HYOU1: variants seen among roughly 807,000 people sequenced by gnomAD.
HYOU1 encodes hypoxia up-regulated 1, also known as hypoxia up-regulated protein 1.
In HYOU1, 40 loss-of-function variants were observed where a neutral mutation model predicts 120.5. That is an observed-to-expected ratio of 0.33 (90% CI 0.26 to 0.43). The LOEUF (loss-of-function observed/expected upper bound fraction) is 0.43, where lower values mean the gene tolerates loss of function less well. HYOU1 is among the 20% of genes least tolerant of loss of function. The pLI is 1.00. For synonymous variants in HYOU1, 501 were observed against 479.4 expected (o/e 1.05, Z -0.59); for missense variants, 1,085 against 1,278.3 (o/e 0.85, Z 2.31).
chr11:119,048,930 C>A lies in HYOU1; in HGVS notation c.1993-44G>T. 6.2e-7 allele frequency: 1 copy of A among 1,607,664 alleles called. No homozygotes were observed. The highest frequency in any genetic ancestry group is 8.5e-7 in the Non-Finnish European group (1 of 1,177,140). The stretch of plus-strand genomic sequence containing the variant: ...GGGTGTCAGGAAAAGCCTCTGCCCT[C>A]CTACATTCTCCACAAGGCCAGAAAC... On this transcript the variant is annotated intron_variant, in intron 17 of 25. Coordinates refer to ENST00000617285, the MANE Select transcript of HYOU1 (RefSeq NM_006389.5). This position sits in a 1 kb window ranked among gnomAD's most constrained non-coding sequence, Gnocchi z 4.7.
intron 22 of HYOU1, chr11:119,047,445 C>G (rs2133556730): frequency 2.6e-6 from 1 of 380,808 alleles, no homozygotes; most frequent in Non-Finnish European, 4.9e-6. Flanking sequence ...TCAGTTTCAC[C>G]TAGCCAAACC....
chr11:119,051,678 G>A lies in HYOU1; in HGVS notation c.1339-53C>T. 6.2e-7 allele frequency: 1 copy of A among 1,605,616 alleles called. No individual in the cohort carries two copies. The highest frequency in any genetic ancestry group is 8.5e-7 in the Non-Finnish European group (1 of 1,173,698). On this transcript the variant is annotated intron_variant, in intron 12 of 25. Transcript: ENST00000617285. The surrounding 1 kb of genome is among the most constrained non-coding windows in gnomAD (Gnocchi z 4.2). ...TGTTGCACACTAGAGAACCCGAGTA[G>A]GTTCTGGGGTAAGGATGGGGGTGGG...
chr11:119,049,889 C>T, intron 14 of HYOU1, 52 bp from the exon 15 acceptor site: 1 of 1,530,304 alleles, frequency 6.5e-7, no homozygotes, highest in South Asian at 1.1e-5. Flanking sequence ...ACCTTTTCTC[C>T]ACAAACATCT....
chr11:119,047,026 G>A, intron 22 of HYOU1: 4 of 567,010 alleles, frequency 7.1e-6, no homozygotes, highest in South Asian at 7.0e-5. Flanking sequence ...TACTACTCTG[G>A]AGTGACTACA....
At chr11:119,056,627 G>A (rs80093855) in intron 1 of HYOU1, among the ~76,000 whole-genome samples, 2 of 152,252 alleles carry the variant, frequency 1.3e-5, no homozygotes, top group African/African-American at 4.8e-5. Context: ...AATGACGTTG[G>A]GGGTAGCTAG....
At chr11:119,054,073 G>A in intron 8 of HYOU1, 48 bp downstream of exon 8, 1 of 1,202,620 alleles carries the variant, frequency 8.3e-7, no homozygotes, top group South Asian at 1.2e-5. Context: ...AGAAACCCCT[G>A]ACTTGAGGGT....
Position 119,048,424 on chromosome 11 carries a change from A to C in HYOU1, c.2253+52T>G. The C allele has an allele frequency of 6.2e-7, 1 of 1,612,312 alleles. No homozygotes were observed. Among genetic ancestry groups the C allele is most frequent in the Non-Finnish European group, 8.5e-7 (1 of 1,179,674 alleles). The stretch of plus-strand genomic sequence containing the variant: ...ACCCACAAGCCCAGAGGCAAGGCCC[A>C]CAGAGCCAGGTGTAAGCCCAGTGGG... On this transcript the variant is annotated intron_variant, in intron 19 of 25. Transcript: ENST00000617285. The surrounding 1 kb of genome is among the most constrained non-coding windows in gnomAD (Gnocchi z 4.7).
chr11:119,054,795 T>C (rs1944654724), intron 6 of HYOU1, 120 bp from the exon 7 acceptor site: 2 of 1,152,126 alleles, frequency 1.7e-6, no homozygotes, highest in Admixed American at 4.5e-5. Flanking sequence ...TCCTGTGCAC[T>C]GTAGGATGTT....
chr11:119,056,501 G>A, intron 1 of HYOU1: 3 of 412,202 alleles, frequency 7.3e-6, no homozygotes, highest in South Asian at 3.7e-5. Context: ...TGTGCCTGTT[G>A]TCAGACACCT....
intron 24 of HYOU1, 124 bp from the exon 25 acceptor site, chr11:119,045,955 C>T: frequency 1.1e-6 from 1 of 925,702 alleles, no homozygotes; most frequent in East Asian, 2.5e-5. Context: ...CACATTTGGT[C>T]TCTTTGCCTA....
Position 119,056,837 on chromosome 11 carries a change from C to T in HYOU1, c.-8+183G>A, listed in dbSNP as rs531441593. 8.4e-5 allele frequency: 15 copies of T among 178,440 alleles called. No individual in the cohort carries two copies. The South Asian group carries it at 1.8e-3, about 21-fold the overall frequency. 11.1% of individuals were successfully genotyped at this position (178,440 alleles called of 1,614,324 possible). On this transcript the variant is annotated intron_variant, in intron 1 of 25. Transcript: ENST00000617285. The stretch of plus-strand genomic sequence containing the variant: ...AGGCGGCGGCTCCCACTCCCGGAAA[C>T]GGATCCCGGCCCGCCCCAGCAAGTG...
At chr11:119,054,810 A>T (rs2133608180) in intron 6 of HYOU1, 135 bp from the exon 7 acceptor site, 48 of 1,102,800 alleles carry the variant, frequency 4.4e-5, no homozygotes, top group Non-Finnish European at 1.7e-5. Context: ...GATGTTGAGC[A>T]GCATCCCCGG....
Position 119,051,712 on chromosome 11 carries a change from G to C in HYOU1, c.1339-87C>G. 1.3e-6 allele frequency: 2 copies of C among 1,593,904 alleles called. No homozygotes were observed. The highest frequency in any genetic ancestry group is 1.7e-6 in the Non-Finnish European group (2 of 1,164,746). On this transcript the variant is annotated intron_variant, in intron 12 of 25. Transcript: ENST00000617285. This position sits in a 1 kb window ranked among gnomAD's most constrained non-coding sequence, Gnocchi z 4.2. Reference sequence around the variant, plus strand: ...GTAAGGATGGGGGTGGGATGGGGGAGACCTCTTAGCAGAAAGACAAAGGGA... The same window carrying C: ...GTAAGGATGGGGGTGGGATGGGGGACACCTCTTAGCAGAAAGACAAAGGGA...
chr11:119,049,053 T>G lies in HYOU1; in HGVS notation c.1957A>C (p.Thr653Pro). Residue 653 changes from threonine (T) to proline (P), a missense_variant, in exon 17 of 26, where the codon ACA becomes CCA. Physicochemically the swap from Thr to Pro is conservative, Grantham distance 38. Coordinates refer to ENST00000617285, the MANE Select transcript of HYOU1 (RefSeq NM_006389.5). ...GACTTGTCCCCATTTTCTTTTTCTG[T>G]GGCCTTTTCTCCCTCAGGGGTTGCA... ...GDATPEGEKA[T>P]EKENGDKSEA... 1.2e-6 allele frequency: 2 copies of G among 1,614,178 alleles called. No individual in the cohort carries two copies. Among genetic ancestry groups the G allele is most frequent in the Non-Finnish European group, 1.7e-6 (2 of 1,180,016 alleles).
Position 119,055,227 on chromosome 11 carries a change from G to C in HYOU1, c.377C>G (p.Thr126Ser). The C allele has an allele frequency of 1.2e-6, 2 of 1,614,204 alleles. No individual in the cohort carries two copies. Among genetic ancestry groups the C allele is most frequent in the Non-Finnish European group, 1.7e-6 (2 of 1,180,040 alleles). The change falls in exon 5 of 26, where the codon ACT (threonine) becomes AGT (serine). Residue 126 changes from threonine to serine, a missense_variant. Thr to Ser is a moderately conservative substitution (Grantham distance 58). Around this residue, in one of 4 missense-constraint regions of HYOU1, gnomAD observed 515 missense variants for 677.8 expected, o/e 0.76. Coordinates refer to ENST00000617285, the MANE Select transcript of HYOU1 (RefSeq NM_006389.5). The surrounding 1 kb of genome is among the most constrained non-coding windows in gnomAD (Gnocchi z 4.0). The part of the protein sequence containing the change: ...YQARFPEHEL[T>S]FDPQRQTVHF... Reference sequence around the variant, plus strand: ...CACAGTCTGCCTCTGTGGGTCGAAAGTCAGCTCGTGCTCCGGGAAGCGGGC... The same window carrying C: ...CACAGTCTGCCTCTGTGGGTCGAAACTCAGCTCGTGCTCCGGGAAGCGGGC...
Position 119,055,615 on chromosome 11 carries a change from A to G in HYOU1, c.186-44T>C. Reference sequence around the variant, plus strand: ...GGGCCCAGGTGCCTGCAGCAGAAGGACTCAGAAGCCTCGACACTCACACAC... The same window carrying G: ...GGGCCCAGGTGCCTGCAGCAGAAGGGCTCAGAAGCCTCGACACTCACACAC... On this transcript the variant is annotated intron_variant, in intron 3 of 25. Transcript: ENST00000617285. The surrounding 1 kb of genome is among the most constrained non-coding windows in gnomAD (Gnocchi z 4.0). 1 of 1,569,264 alleles carries G rather than the reference A, an allele frequency of 6.4e-7. No homozygotes were observed. The highest frequency in any genetic ancestry group is 8.8e-7 in the Non-Finnish European group (1 of 1,139,234).
chr11:119,045,794 T>C lies in HYOU1; in HGVS notation c.2925A>G (p.Gly975=). 1.2e-6 allele frequency: 2 copies of C among 1,612,200 alleles called. No individual in the cohort carries two copies. The highest frequency in any genetic ancestry group is 1.7e-6 in the Non-Finnish European group (2 of 1,179,568). ...EPGDTEPLEL[G]GPGAEPEQKE... is the part of the protein sequence containing the mutation. Reference sequence around the variant, plus strand: ...CTCCATCCTCACCTGCTCCAGGACCTCCTAACTCCAAAGGCTCAGTGTCTC... The same window carrying C: ...CTCCATCCTCACCTGCTCCAGGACCCCCTAACTCCAAAGGCTCAGTGTCTC... Residue 975 remains glycine, a synonymous_variant, in exon 25 of 26, where the codon GGA becomes GGG. Coordinates refer to ENST00000617285, the MANE Select transcript of HYOU1 (RefSeq NM_006389.5).
chr11:119,049,469 G>A, intron 16 of HYOU1, 87 bp downstream of exon 16: 1 of 1,555,942 alleles, frequency 6.4e-7, no homozygotes, highest in Non-Finnish European at 8.9e-7. Flanking sequence ...AGGGGCAGGG[G>A]TGGCCTACCC....
Position 119,052,331 on chromosome 11 carries a change from A to G in HYOU1, c.1086T>C (p.Pro362=), listed in dbSNP as rs2133592043. 1 of 1,614,174 alleles carries G rather than the reference A, an allele frequency of 6.2e-7. No homozygotes were observed. The highest frequency in any genetic ancestry group is 8.5e-7 in the Non-Finnish European group (1 of 1,180,018). The change falls in exon 10 of 26, where the codon CCT becomes CCC. Residue 362 remains proline (P), a synonymous_variant. Transcript: ENST00000617285. The surrounding 1 kb of genome is among the most constrained non-coding windows in gnomAD (Gnocchi z 5.0). ...CADLFERVPG[P]VQQALQSAEM... is the part of the protein sequence containing the mutation. ...CGGCACTCTGGAGGGCCTGCTGTAC[A>G]GGCCCAGGCACCCGCTCAAACAAGT... is the stretch of plus-strand genomic sequence containing the variant.
Sources: allele counts gnomAD v4.1 joint callset (sites outside exome capture counted in the v4.1 genomes callset), GRCh38; gene constraint gnomAD v4.1.1; regional missense constraint gnomAD v4.1.1; non-coding constraint Gnocchi (gnomAD v3.1); transcripts MANE v1.5; gene names NCBI Gene and HGNC (gene_info 2026-07-23, HGNC 2026-07-21).